Variants in BIRC6 observed in about 807,000 individuals in gnomAD.
BIRC6 encodes the protein dual E2 ubiquitin-conjugating enzyme/E3 ubiquitin-protein ligase BIRC6.
A neutral mutation model predicts 503.3 loss-of-function variants in BIRC6; 98 were observed. The observed-to-expected ratio is 0.19, with a 90% CI of 0.17 to 0.23. BIRC6 has a LOEUF of 0.23. Among genes scored for constraint, BIRC6 ranks in the 10% least tolerant of loss-of-function variants. The pLI is 1.00. For missense variants in BIRC6, 5,360 were observed against 5,806.0 expected (o/e 0.92, Z 2.50); for synonymous variants, 2,240 against 2,078.7 (o/e 1.08, Z -2.11).
At position 32,447,158 on chromosome 2, in the gene BIRC6, A is replaced by T. The variant is rs1453350961; in HGVS notation, c.4484+1490A>T. 3.3e-5 allele frequency among the ~76,000 whole-genome samples: 5 copies of T among 150,358 alleles called. No individual in the cohort carries two copies. The East Asian group carries it at 7.9e-4, about 24-fold the overall frequency. ...AAGTCTCCCATGTCTACCTCTATCCACACAGACCCGGCAACCATCCGATTT... is the reference window on the plus strand; with the variant it reads ...AAGTCTCCCATGTCTACCTCTATCCTCACAGACCCGGCAACCATCCGATTT... On this transcript the variant is annotated intron_variant, in intron 21 of 73. Coordinates refer to ENST00000421745, the MANE Select transcript of BIRC6 (RefSeq NM_016252.4).
At chr2:32,369,846 C>T (rs1409732813) in intron 1 of BIRC6, among the ~76,000 whole-genome samples, 1 of 145,606 alleles carries the variant, frequency 6.9e-6, no homozygotes, top group African/African-American at 2.6e-5. Flanking sequence ...GTCCTAGCTG[C>T]TTGGGAGACT....
At chr2:32,397,612 G>GTGTATATATATATATA (rs2040067461) in intron 6 of BIRC6, among the ~76,000 whole-genome samples, 2 of 130,860 alleles carry the variant, frequency 1.5e-5, no homozygotes, top group African/African-American at 2.8e-5. Flanking sequence ...GTGTATATAT[G>GTGTATATATATATATA]TGTGTATATA....
intron 54 of BIRC6, 39 bp downstream of exon 54, chr2:32,513,193 C>T: frequency 6.7e-7 from 1 of 1,486,142 alleles, no homozygotes; most frequent in Non-Finnish European, 9.3e-7. Flanking sequence ...TCCCCCAGTA[C>T]TAGATCAGTT....
In BIRC6 at chr2:32,511,476, A is replaced by ATTT. The variant is rs1166383796; in HGVS notation, c.10346+867_10346+869dup. On this transcript the variant is annotated intron_variant, in intron 53 of 73. Coordinates refer to ENST00000421745, the MANE Select transcript of BIRC6 (RefSeq NM_016252.4). ...AGGCGACCACCACTATAACTGACTA[A>ATTT]TTTTTTTTTTTTTTTTTTTTTTTTT... Among the ~76,000 whole-genome samples the ATTT allele has an allele frequency of 6.7e-4, 54 of 80,164 alleles. 1 individual carries two copies. The highest frequency in any genetic ancestry group is 2.5e-3 in the South Asian group (6 of 2,360). 52.6% of individuals were successfully genotyped at this position (80,164 alleles called of 152,430 possible).
chr2:32,537,465 A>G (rs1354200665), intron 61 of BIRC6, among the ~76,000 whole-genome samples: 1 of 152,158 alleles, frequency 6.6e-6, no homozygotes, highest in Non-Finnish European at 1.5e-5. Flanking sequence ...AACTCACTAC[A>G]ATTTCAAAAT....
intron 61 of BIRC6, among the ~76,000 whole-genome samples, chr2:32,536,621 T>A (rs772738474): frequency 2.0e-5 from 3 of 152,324 alleles, no homozygotes. Context: ...GTTGTAGATA[T>A]GTGGCATTAT....
At chr2:32,498,009 G>T (rs995298552) in intron 45 of BIRC6, among the ~76,000 whole-genome samples, 1 of 151,736 alleles carries the variant, frequency 6.6e-6, no homozygotes, top group Admixed American at 6.6e-5. Flanking sequence ...GTTGACTTTT[G>T]AATTAAGCAA....
Position 32,599,776 on chromosome 2 carries a change from A to G in BIRC6, c.13868A>G (p.Asn4623Ser). 1 of 1,613,948 alleles carries G rather than the reference A, an allele frequency of 6.2e-7. No homozygotes were observed. The highest frequency in any genetic ancestry group is 2.2e-5 in the East Asian group (1 of 44,880). The change falls in exon 70 of 74, where the codon AAT (asparagine) becomes AGT (serine). Residue 4623 changes from asparagine to serine, a missense_variant. Around this residue, in one of 16 missense-constraint regions of BIRC6, gnomAD observed 66 missense variants for 113.2 expected, o/e 0.58. Coordinates refer to ENST00000421745, the MANE Select transcript of BIRC6 (RefSeq NM_016252.4). ...ITGPADTPYA[N>S]GCFEFDVYFP... ...GGTCCAGCGGACACCCCTTATGCAA[A>G]TGGCTGCTTTGAGTTTGATGTGTAT... is the stretch of plus-strand genomic sequence containing the variant.
intron 26 of BIRC6, among the ~76,000 whole-genome samples, chr2:32,465,955 G>T (rs2048497843): frequency 6.6e-6 from 1 of 152,178 alleles, no homozygotes; most frequent in South Asian, 2.1e-4. Flanking sequence ...TAGTGTTGAT[G>T]ACATTTAGAG....
chr2:32,388,436 A>T (rs886534469), intron 3 of BIRC6, among the ~76,000 whole-genome samples: 2 of 151,664 alleles, frequency 1.3e-5, no homozygotes, highest in African/African-American at 4.8e-5. Flanking sequence ...CAGTCACCAG[A>T]TCACTAAAAT....
intron 10 of BIRC6, among the ~76,000 whole-genome samples, chr2:32,419,556 TAAATG>T (rs1251233456): frequency 6.6e-6 from 1 of 152,118 alleles, no homozygotes; most frequent in Non-Finnish European, 1.5e-5. Flanking sequence ...AGGAAAGACT[TAAATG>T]AGAAAGAAGA....
rs778339770 is a variant in BIRC6, at chr2:32,599,875, A to G, written c.13967A>G (p.Asn4656Ser). The G allele has an allele frequency of 1.2e-5, 19 of 1,613,694 alleles. No homozygotes were observed. The highest frequency in any genetic ancestry group is 2.2e-5 in the East Asian group (1 of 44,876). Residue 4656 changes from asparagine to serine, a missense_variant, in exon 70 of 74, where the codon AAT becomes AGT. This residue lies in a region of BIRC6 where 66 missense variants were observed against 113.2 expected (regional missense o/e 0.58). Coordinates refer to ENST00000421745, the MANE Select transcript of BIRC6 (RefSeq NM_016252.4). ...ETTGGHSVRF[N>S]PNLYNDGKVC... Reference sequence around the variant, plus strand: ...ACTGGTGGTCATAGCGTGCGATTCAATCCAAACCTTTATAATGATGGCAAG... The same window carrying G: ...ACTGGTGGTCATAGCGTGCGATTCAGTCCAAACCTTTATAATGATGGCAAG...
intron 1 of BIRC6, among the ~76,000 whole-genome samples, chr2:32,371,988 A>C (rs1388768075): frequency 6.6e-6 from 1 of 151,178 alleles, no homozygotes; most frequent in Non-Finnish European, 1.5e-5. Flanking sequence ...TATTTTTAGT[A>C]GAGACAGGGT....
intron 57 of BIRC6, among the ~76,000 whole-genome samples, chr2:32,523,899 C>T (rs1478949782): frequency 6.6e-6 from 1 of 152,092 alleles, no homozygotes; most frequent in African/African-American, 2.4e-5. Context: ...CCTAAAAATA[C>T]AGAAATTCAT....
chr2:32,476,260 G>A lies in BIRC6; in HGVS notation c.6768G>A (p.Met2256Ile). Residue 2256 changes from methionine (M) to isoleucine (I), a missense_variant, in exon 34 of 74, where the codon ATG (methionine) becomes ATA (isoleucine). Around this residue, in one of 16 missense-constraint regions of BIRC6, gnomAD observed 2,299 missense variants for 2,267.2 expected, o/e 1.01. Transcript: ENST00000421745. ...KAKQKALVEQ[M>I]EKEKIQSNKG... ...AGCAGAAGGCATTGGTAGAACAGAT[G>A]GAAAAAGAAAAAATACAAAGTAACA... The A allele has an allele frequency of 6.4e-7, 1 of 1,553,990 alleles. No individual in the cohort carries two copies. The highest frequency in any genetic ancestry group is 8.7e-7 in the Non-Finnish European group (1 of 1,147,924).
intron 66 of BIRC6, among the ~76,000 whole-genome samples, chr2:32,593,357 T>C (rs2061497451): frequency 6.6e-6 from 1 of 152,176 alleles, no homozygotes; most frequent in Non-Finnish European, 1.5e-5. Flanking sequence ...TGAAATGAAA[T>C]TGGGTACATT....
intron 1 of BIRC6, 24 bp from the exon 2 acceptor site, chr2:32,377,564 G>T: frequency 1.9e-6 from 3 of 1,574,574 alleles, no homozygotes; most frequent in Non-Finnish European, 1.7e-6. Context: ...AATCTTAAGT[G>T]TTGAATTTTT....
At chr2:32,507,382 A>C (rs1487929515) in intron 50 of BIRC6, among the ~76,000 whole-genome samples, 3 of 152,168 alleles carry the variant, frequency 2.0e-5, no homozygotes, top group Non-Finnish European at 4.4e-5. Flanking sequence ...GTGAGCTAAG[A>C]TCGTGCCACT....
chr2:32,549,525 T>G, intron 65 of BIRC6, 44 bp downstream of exon 65: 1 of 1,306,464 alleles, frequency 7.7e-7, no homozygotes, highest in Non-Finnish European at 1.0e-6. Context: ...ATAATTTTGT[T>G]TGCTTATTTT....
Sources: allele counts gnomAD v4.1 joint callset (sites outside exome capture counted in the v4.1 genomes callset), GRCh38; gene constraint gnomAD v4.1.1; regional missense constraint gnomAD v4.1.1; transcripts MANE v1.5; gene names NCBI Gene and HGNC (gene_info 2026-07-23, HGNC 2026-07-21).